Variants in KHDRBS2 observed in about 807,000 individuals in gnomAD.
KHDRBS2 encodes the protein KH domain-containing, RNA-binding, signal transduction-associated protein 2.
In KHDRBS2, 26 loss-of-function variants were observed where a neutral mutation model predicts 44.3. That is an observed-to-expected ratio of 0.59 (90% confidence interval 0.43 to 0.81). The LOEUF (loss-of-function observed/expected upper bound fraction) is 0.81, where lower values mean the gene tolerates loss of function less well. Among genes scored for constraint, KHDRBS2 ranks in the 40% least tolerant of loss-of-function variants. The pLI, the probability that KHDRBS2 is intolerant of heterozygous loss-of-function variation, is 0.00. For synonymous variants in KHDRBS2, 194 were observed against 151.1 expected (o/e 1.28, Z -2.08); for missense variants, 476 against 433.1 (o/e 1.10, Z -0.88).
At chr6:61,740,049 T>C (rs1184206575) in intron 6 of KHDRBS2, among the ~76,000 whole-genome samples, 1 of 151,794 alleles carries the variant, frequency 6.6e-6, no homozygotes, top group Admixed American at 6.6e-5. Context: ...CTAGAAGATA[T>C]CAACAAATGT....
At chr6:61,673,788 T>A in the KHDRBS2 span, among the ~76,000 whole-genome samples, 1 of 142,606 alleles carries the variant, frequency 7.0e-6, no homozygotes, top group Non-Finnish European at 1.5e-5. Context: ...TACAAACAAA[T>A]GGAAGAACAT....
intron 1 of KHDRBS2, among the ~76,000 whole-genome samples, chr6:62,231,525 A>G (rs114045160): frequency 0.025 from 3,779 of 152,188 alleles, 118 homozygotes; most frequent in African/African-American, 0.081. Flanking sequence ...CGGGGATTAC[A>G]ATTTGAGATG....
chr6:61,628,264 ACTTAAACTG>A, the KHDRBS2 span, among the ~76,000 whole-genome samples: 11 of 114,286 alleles, frequency 9.6e-5, no homozygotes, highest in East Asian at 3.2e-3. Context: ...TTTCAATACT[ACTTAAACTG>A]GCTTATCTTC....
intron 6 of KHDRBS2, among the ~76,000 whole-genome samples, chr6:61,816,398 T>C (rs964355138): frequency 2.6e-5 from 4 of 151,930 alleles, no homozygotes; most frequent in African/African-American, 4.8e-5. Flanking sequence ...GACAGAGACA[T>C]ACAGCGAGAA....
At chr6:61,759,915 C>A (rs1190197470) in intron 6 of KHDRBS2, among the ~76,000 whole-genome samples, 1 of 152,120 alleles carries the variant, frequency 6.6e-6, no homozygotes, top group East Asian at 1.9e-4. Context: ...TTAAGCCTGG[C>A]CAGACTTTCT....
the KHDRBS2 span, among the ~76,000 whole-genome samples, chr6:61,549,995 G>T: frequency 1.3e-5 from 2 of 152,190 alleles, no homozygotes; most frequent in East Asian, 1.9e-4. Context: ...AATGTAAAAA[G>T]ACATGAATAT....
At chr6:61,761,273 C>T (rs1779231997) in intron 6 of KHDRBS2, among the ~76,000 whole-genome samples, 1 of 152,140 alleles carries the variant, frequency 6.6e-6, no homozygotes, top group Non-Finnish European at 1.5e-5. Flanking sequence ...AATCAGGTGT[C>T]TGGGTTTGAA....
In KHDRBS2 at chr6:61,928,366, C is replaced by T. The variant is rs1159420662; in HGVS notation, c.484-26995G>A. ...CCTTATTCCTTCTTCTTATTTACAA[C>T]TTTCCAATCCTCAGAGGAGAAAAAC... On this transcript the variant is annotated intron_variant, in intron 4 of 8. Transcript: ENST00000281156. Among the ~76,000 whole-genome samples the T allele has an allele frequency of 1.6e-4, 24 of 152,132 alleles. No homozygotes were observed. In the East Asian group the frequency reaches 4.6e-3, roughly 29 times the overall value.
At chr6:62,018,599 C>A (rs1170010809) in intron 3 of KHDRBS2, among the ~76,000 whole-genome samples, 1 of 152,118 alleles carries the variant, frequency 6.6e-6, no homozygotes. Flanking sequence ...CGCGCCTTGG[C>A]CTCCCAAAGT....
At chr6:61,557,467 A>G in the KHDRBS2 span, among the ~76,000 whole-genome samples, 1 of 152,218 alleles carries the variant, frequency 6.6e-6, no homozygotes, top group Non-Finnish European at 1.5e-5. Context: ...TCCATTGTGA[A>G]TGGTAGGACA....
chr6:61,697,559 T>A (rs1184438086), intron 7 of KHDRBS2, among the ~76,000 whole-genome samples: 1 of 152,096 alleles, frequency 6.6e-6, no homozygotes, highest in Admixed American at 6.6e-5. Flanking sequence ...AAAAGGCCTA[T>A]TTCCAAGAAA....
chr6:61,941,156 CTGAGTCAA>C (rs1812052285), intron 4 of KHDRBS2, among the ~76,000 whole-genome samples: 1 of 152,152 alleles, frequency 6.6e-6, no homozygotes, highest in Admixed American at 6.5e-5. Context: ...GATTGCCGAG[CTGAGTCAA>C]TAATCATTGG....
At chr6:62,162,347 G>C (rs1402742776) in intron 2 of KHDRBS2, among the ~76,000 whole-genome samples, 1 of 152,036 alleles carries the variant, frequency 6.6e-6, no homozygotes, top group African/African-American at 2.4e-5. Context: ...AGTTTTGCTA[G>C]ATATAAGATT....
chr6:61,677,461 T>C (rs1766009185), downstream of KHDRBS2, among the ~76,000 whole-genome samples: 1 of 151,942 alleles, frequency 6.6e-6, no homozygotes, highest in African/African-American at 2.4e-5. Context: ...AGAACTTTAG[T>C]TGAAGCAATA....
At chr6:62,112,962 T>C (rs1222483106) in intron 2 of KHDRBS2, among the ~76,000 whole-genome samples, 1 of 152,132 alleles carries the variant, frequency 6.6e-6, no homozygotes, top group African/African-American at 2.4e-5. Flanking sequence ...CCTATCCATC[T>C]TCTCACCCAC....
intron 6 of KHDRBS2, among the ~76,000 whole-genome samples, chr6:61,865,391 A>G (rs757314071): frequency 6.6e-6 from 1 of 152,128 alleles, no homozygotes; most frequent in Non-Finnish European, 1.5e-5. Flanking sequence ...GGCAAGGAGG[A>G]GTAAGTCATG....
At chr6:61,799,863 T>A (rs1375935440) in intron 6 of KHDRBS2, among the ~76,000 whole-genome samples, 1 of 152,060 alleles carries the variant, frequency 6.6e-6, no homozygotes, top group Non-Finnish European at 1.5e-5. Flanking sequence ...TATGAAAACA[T>A]TAGTTTTAAG....
At chr6:61,657,038 C>T in the KHDRBS2 span, among the ~76,000 whole-genome samples, 5 of 151,698 alleles carry the variant, frequency 3.3e-5, no homozygotes, top group Admixed American at 6.6e-5. Flanking sequence ...GTGGGGAAGC[C>T]GAAAAAGTGC....
intron 3 of KHDRBS2, among the ~76,000 whole-genome samples, chr6:62,018,957 T>G (rs1392304698): frequency 6.6e-6 from 1 of 152,114 alleles, no homozygotes; most frequent in African/African-American, 2.4e-5. Flanking sequence ...CATATATTCT[T>G]TTTTAAAATT....
Sources: gnomAD v4.1 joint callset for allele counts (sites outside exome capture counted in the v4.1 genomes callset) on GRCh38, gnomAD v4.1.1 for gene constraint, MANE v1.5 for transcripts, NCBI Gene and HGNC (gene_info 2026-07-23, HGNC 2026-07-21) for gene names.